The following PORCN variants were observed in gnomAD, a reference collection of about 807,000 sequenced individuals.
PORCN encodes protein-serine O-palmitoleoyltransferase porcupine.
In PORCN, 1 loss-of-function variant was observed where a neutral mutation model predicts 43.0. The ratio of observed to expected loss-of-function variants is 0.02; its 90% CI spans 0.01 to 0.11. PORCN has a LOEUF of 0.11. Among genes scored for constraint, PORCN ranks in the 10% least tolerant of loss-of-function variants. The probability of loss-of-function intolerance (pLI) is 1.00; values close to 1 mark genes in which losing one functional copy is unlikely to be tolerated. For synonymous variants in PORCN, 148 were observed against 166.4 expected, an observed-to-expected ratio of 0.89 and a Z score of 0.85; for missense variants, 240 against 392.1, an observed-to-expected ratio of 0.61 and a Z score of 3.28.
rs2061686061 is a variant in PORCN, at chrX:48,512,820, CTTCTGT to C, written c.687-13_687-8del. 1.7e-6 allele frequency: 2 copies of C among 1,211,244 alleles called. No homozygotes were observed. Among genetic ancestry groups the C allele is most frequent in the African/African-American group, 3.5e-5 (2 of 57,528 alleles). On this transcript the variant is annotated splice_polypyrimidine_tract_variant and intron_variant, in intron 6 of 14. Transcript: ENST00000326194. ...CCTGTCTCTTAATGCTTCTTTCTGTCTTCTGTTACTACAGCAAGAAACGCAAAGCCA... is the reference window on the plus strand; with the variant it reads ...CCTGTCTCTTAATGCTTCTTTCTGTCTACTACAGCAAGAAACGCAAAGCCA...
intron 5 of PORCN, 28 bp downstream of exon 5, chrX:48,512,535 G>A: frequency 3.1e-5 from 37 of 1,207,979 alleles, no homozygotes; most frequent in Non-Finnish European, 4.0e-5. Context: ...TGGGTGGGCA[G>A]GGACTGTGGG....
chrX:48,513,715 G>A (rs1480766198), intron 7 of PORCN, among the ~76,000 whole-genome samples: 1 of 112,486 alleles, frequency 8.9e-6, no homozygotes, highest in Non-Finnish European at 1.9e-5. Context: ...GGGGGTGTGT[G>A]TGTGCACAGC....
Position 48,520,582 on chromosome X carries a change from G to T in PORCN, c.*106G>T, listed in dbSNP as rs1349529792. 18 of 549,779 alleles carry T rather than the reference G, an allele frequency of 3.3e-5. No homozygotes were observed. Among genetic ancestry groups the T allele is most frequent in the Non-Finnish European group, 5.0e-5 (16 of 317,509 alleles). 45.3% of individuals were successfully genotyped at this position (549,779 alleles called of 1,213,427 possible). ...CTACTCCTTGACCCCCTCCATCCTT[G>T]ACCCCCAACACCTCAACACACACAC... On this transcript the variant is annotated 3_prime_UTR_variant, in exon 15 of 15. Coordinates refer to ENST00000326194, the MANE Select transcript of PORCN (RefSeq NM_203475.3).
chrX:48,520,448 G>A lies in PORCN; in HGVS notation c.1358G>A (p.Cys453Tyr). 8.3e-7 allele frequency: 1 copy of A among 1,208,510 alleles called. No individual in the cohort carries two copies. The highest frequency in any genetic ancestry group is 1.1e-6 in the Non-Finnish European group (1 of 892,692). ...GCCAGTCACTGGGTCACTTTTGGAT[G>A]CTGGATCTTCTACCGTCTCATAGGC... ...SWASHWVTFG[C>Y]WIFYRLIG Residue 453 changes from cysteine to tyrosine, a missense_variant, in exon 15 of 15, where the codon TGC (cysteine) becomes TAC (tyrosine). Transcript: ENST00000326194.
rs1395434209 is a variant in PORCN at position 48,520,413 on chromosome X, G to C, written c.1323G>C (p.Glu441Asp). Residue 441 changes from glutamate to aspartate, a missense_variant, in exon 15 of 15, where the codon GAG (glutamate) becomes GAC (aspartate). Transcript: ENST00000326194. ...CATACACTGTCCACAAGTGGTCAGA[G>C]CTCAGCTGGGCCAGTCACTGGGTCA... is the stretch of plus-strand genomic sequence containing the variant. ...GMAYTVHKWS[E>D]LSWASHWVTF... 4 of 1,208,454 alleles carry C rather than the reference G, an allele frequency of 3.3e-6. No homozygotes were observed. Among genetic ancestry groups the C allele is most frequent in the Non-Finnish European group, 3.4e-6 (3 of 894,195 alleles).
intron 13 of PORCN, 35 bp from the exon 14 acceptor site, chrX:48,517,148 T>C (rs1303821724): frequency 7.5e-6 from 8 of 1,066,481 alleles, no homozygotes; most frequent in African/African-American, 7.5e-5. Flanking sequence ...AGTGAGTAGG[T>C]CCAGTTGCCA....
rs368248747 is a variant in PORCN at position 48,520,597 on chromosome X, AAC to A, written c.*145_*146del. ...CTCCATCCTTGACCCCCAACACCTC[AAC>A]ACACACACACACACACACACACAAA... On this transcript the variant is annotated 3_prime_UTR_variant, in exon 15 of 15. Coordinates refer to ENST00000326194, the MANE Select transcript of PORCN (RefSeq NM_203475.3). 24,548 of 391,940 alleles carry A rather than the reference AAC, an allele frequency of 0.063. 77 individuals carry two copies. The highest frequency in any genetic ancestry group is 0.086 in the African/African-American group (3,251 of 37,702). The allele number at this position is 391,940 out of a possible 1,213,427, so 32.3% of individuals were successfully genotyped here. A position where few individuals can be genotyped will look rare whatever the true frequency, so the allele number is the denominator to read the frequency against.
chrX:48,518,820 C>CTT (rs1250444861), intron 14 of PORCN, among the ~76,000 whole-genome samples: 2 of 101,157 alleles, frequency 2.0e-5, no homozygotes, highest in Non-Finnish European at 4.0e-5. Context: ...ATTTGCTTTT[C>CTT]TTTTTTTTTT....
intron 14 of PORCN, among the ~76,000 whole-genome samples, chrX:48,518,913 C>T (rs1297831032): frequency 9.0e-6 from 1 of 110,721 alleles, no homozygotes; most frequent in Non-Finnish European, 1.9e-5. Context: ...CTCCCAGGCT[C>T]GAGCAGTCCA....
chrX:48,512,757 G>A (rs781938681), intron 6 of PORCN, 38 bp downstream of exon 6: 9 of 1,212,409 alleles, frequency 7.4e-6, no homozygotes, highest in Non-Finnish European at 1.0e-5. Flanking sequence ...CAGCAATGAG[G>A]GGGTTGGGTA....
In PORCN at chrX:48,520,613, C is replaced by T; in HGVS notation, c.*137C>T. ...CAACACCTCAACACACACACACACA[C>T]ACACACACAAAATCACACCATTTTC... On this transcript the variant is annotated 3_prime_UTR_variant, in exon 15 of 15. Transcript: ENST00000326194. 2.0e-6 allele frequency: 1 copy of T among 507,099 alleles called. No individual in the cohort carries two copies. Among genetic ancestry groups the T allele is most frequent in the Non-Finnish European group, 3.5e-6 (1 of 283,108 alleles). The allele number at this position is 507,099 out of a possible 1,213,427, so 41.8% of individuals were successfully genotyped here. A position where few individuals can be genotyped will look rare whatever the true frequency, so the allele number is the denominator to read the frequency against.
Position 48,514,369 on chromosome X carries a change from G to C in PORCN, c.845+4G>C. On this transcript the variant is annotated splice_donor_region_variant and intron_variant, in intron 9 of 14. Coordinates refer to ENST00000326194, the MANE Select transcript of PORCN (RefSeq NM_203475.3). ...AGGAGAAGGATCACCTGGAATGGTG[G>C]GGGGGCTTGGGGACCCCCTCTCCCA... 1 of 1,205,937 alleles carries C rather than the reference G, an allele frequency of 8.3e-7. No individual in the cohort carries two copies. Among genetic ancestry groups the C allele is most frequent in the Non-Finnish European group, 1.1e-6 (1 of 892,509 alleles).
intron 2 of PORCN, among the ~76,000 whole-genome samples, chrX:48,510,875 T>C (rs782303604): frequency 3.7e-4 from 41 of 111,666 alleles, no homozygotes; most frequent in African/African-American, 1.3e-3. Flanking sequence ...CATCCTTCAG[T>C]GTGTGGCCCC....
intron 8 of PORCN, 49 bp from the exon 9 acceptor site, chrX:48,514,191 T>C (rs782509118): frequency 3.3e-6 from 4 of 1,211,820 alleles, no homozygotes; most frequent in East Asian, 3.0e-5. Flanking sequence ...TGGGGTATCA[T>C]GTTGGGACCT....
In PORCN at chrX:48,514,311, C is replaced by T; in HGVS notation, c.791C>T (p.Ala264Val). ...TATTTTGTGGGCTTTCTTTCCGAGG[C>T]CACGGCCACGTTGGCGGGGGCTGGC... ...SNYFVGFLSE[A>V]TATLAGAGFT... Residue 264 changes from alanine to valine, a missense_variant, in exon 9 of 15, where the codon GCC becomes GTC. Ala to Val is a moderately conservative substitution (Grantham distance 64). Transcript: ENST00000326194. 1 of 1,211,982 alleles carries T rather than the reference C, an allele frequency of 8.3e-7. No homozygotes were observed. The highest frequency in any genetic ancestry group is 1.1e-6 in the Non-Finnish European group (1 of 895,498).
intron 14 of PORCN, among the ~76,000 whole-genome samples, chrX:48,519,759 G>A (rs1410157928): frequency 2.7e-5 from 3 of 112,377 alleles, no homozygotes; most frequent in African/African-American, 6.5e-5. Context: ...ACTTTGGGAC[G>A]CCCAGGCAGG....
chrX:48,514,330 G>A lies in PORCN; in HGVS notation c.810G>A (p.Gly270=). ...CCGAGGCCACGGCCACGTTGGCGGG[G>A]GCTGGCTTTACCGAGGAGAAGGATC... The part of the protein sequence containing the change: ...FLSEATATLA[G]AGFTEEKDHL... The change falls in exon 9 of 15, where the codon GGG becomes GGA. Residue 270 remains glycine, a synonymous_variant. Coordinates refer to ENST00000326194, the MANE Select transcript of PORCN (RefSeq NM_203475.3). 1 of 1,212,092 alleles carries A rather than the reference G, an allele frequency of 8.3e-7. No homozygotes were observed. The highest frequency in any genetic ancestry group is 1.7e-5 in the African/African-American group (1 of 57,936).
intron 2 of PORCN, 32 bp downstream of exon 2, chrX:48,509,988 C>T: frequency 9.1e-7 from 1 of 1,101,720 alleles, no homozygotes. Context: ...TGCCACCATG[C>T]CAGGCCATAT....
At chrX:48,514,456 CAAG>C in intron 9 of PORCN, 66 bp from the exon 10 acceptor site, 1 of 1,188,277 alleles carries the variant, frequency 8.4e-7, no homozygotes, top group Non-Finnish European at 1.1e-6. Flanking sequence ...AGGGAACGGC[CAAG>C]ACAGAAGTGT....
Sources: allele counts gnomAD v4.1 joint callset (sites outside exome capture counted in the v4.1 genomes callset), GRCh38; gene constraint gnomAD v4.1.1; transcripts MANE v1.5; gene names NCBI Gene and HGNC (gene_info 2026-07-23, HGNC 2026-07-21).